The following BLTP1 variants were observed in gnomAD, a reference collection of about 807,000 sequenced individuals.
BLTP1 encodes the protein bridge-like lipid transfer protein family member 1.
chr4:122,197,280 C>G, the BLTP1 span: 1 of 1,460,314 alleles, frequency 6.8e-7, no homozygotes, highest in Non-Finnish European at 9.2e-7. Flanking sequence ...AAATGGTAAG[C>G]TGCAACTGTT....
the BLTP1 span, among the ~76,000 whole-genome samples, chr4:122,337,366 C>T: frequency 5.3e-5 from 8 of 152,002 alleles, no homozygotes; most frequent in Non-Finnish European, 1.0e-4. Flanking sequence ...TGGGTAAAAC[C>T]GTCTAATACA....
At chr4:122,245,235 CAG>C in the BLTP1 span, 1 of 1,110,860 alleles carries the variant, frequency 9.0e-7, no homozygotes, top group African/African-American at 1.6e-5. Flanking sequence ...CAAGTTAAAT[CAG>C]AATATTTGGA....
At chr4:122,184,930 A>G in the BLTP1 span, 2 of 983,964 alleles carry the variant, frequency 2.0e-6, no homozygotes, top group African/African-American at 1.7e-5. Flanking sequence ...CATTATTCCT[A>G]CAGATGCCAA....
At chr4:122,307,730 C>G in the BLTP1 span, 3 of 985,138 alleles carry the variant, frequency 3.0e-6, no homozygotes, top group Non-Finnish European at 3.6e-6. Flanking sequence ...CTTCCTTGTG[C>G]CATTATGTGG....
chr4:122,300,587 A>C, the BLTP1 span, among the ~76,000 whole-genome samples: 4 of 152,146 alleles, frequency 2.6e-5, no homozygotes, highest in Non-Finnish European at 4.4e-5. Context: ...TACTAACTAA[A>C]TAGATTTTTG....
At chr4:122,324,579 G>A in the BLTP1 span, 11 of 1,513,086 alleles carry the variant, frequency 7.3e-6, no homozygotes, top group African/African-American at 1.4e-4. Flanking sequence ...TAAAATTGTT[G>A]ACTCTTTTAC....
At chr4:122,321,349 A>G in the BLTP1 span, among the ~76,000 whole-genome samples, 5 of 152,226 alleles carry the variant, frequency 3.3e-5, no homozygotes, top group African/African-American at 1.2e-4. Flanking sequence ...TGTCTCTTGT[A>G]TCATTACTGT....
At chr4:122,264,532 CCTTA>C in the BLTP1 span, 4 of 963,830 alleles carry the variant, frequency 4.2e-6, no homozygotes, top group South Asian at 6.0e-5. Context: ...TGAGGCTATA[CCTTA>C]CCTATCTGCC....
chr4:122,282,191 T>C, the BLTP1 span: 2 of 476,678 alleles, frequency 4.2e-6, no homozygotes, highest in African/African-American at 4.2e-5. Context: ...TATATTAATA[T>C]ATCCTATCTC....
At chr4:122,190,659 G>A in the BLTP1 span, among the ~76,000 whole-genome samples, 22 of 152,174 alleles carry the variant, frequency 1.4e-4, 1 homozygote, top group African/African-American at 4.6e-4. Flanking sequence ...ATGATCATGA[G>A]TGAAAACCTT....
chr4:122,244,188 A>AAAAATG, the BLTP1 span: 4,693 of 453,474 alleles, frequency 0.01, 233 homozygotes, highest in African/African-American at 0.095. Flanking sequence ...TTGATTGAAT[A>AAAAATG]AAAATGAAAA....
chr4:122,229,043 A>G, the BLTP1 span: 4 of 1,249,206 alleles, frequency 3.2e-6, no homozygotes, highest in Non-Finnish European at 3.2e-6. Flanking sequence ...TTTTGTGTTT[A>G]TTTAAAGAAG....
chr4:122,322,813 C>T, the BLTP1 span, among the ~76,000 whole-genome samples: 2 of 152,136 alleles, frequency 1.3e-5, no homozygotes, highest in African/African-American at 2.4e-5. Context: ...CAGTTATACT[C>T]TGATAATATT....
the BLTP1 span, chr4:122,229,371 C>A: frequency 1.7e-6 from 1 of 588,098 alleles, no homozygotes; most frequent in Non-Finnish European, 2.8e-6. Flanking sequence ...AGAAAACTTT[C>A]TAATTTTTAC....
the BLTP1 span, chr4:122,247,429 G>GT: frequency 1.3e-6 from 2 of 1,541,252 alleles, no homozygotes; most frequent in Middle Eastern, 1.7e-4. Context: ...AAGGGAACAT[G>GT]TTTTTTTCCT....
chr4:122,347,151 G>A, the BLTP1 span: 1 of 984,082 alleles, frequency 1.0e-6, no homozygotes, highest in Non-Finnish European at 1.2e-6. Context: ...AAGATGCTGG[G>A]GACATGTTAC....
the BLTP1 span, chr4:122,226,413 A>G: frequency 8.8e-7 from 1 of 1,136,992 alleles, no homozygotes; most frequent in African/African-American, 1.7e-5. Context: ...GAAGATATAT[A>G]ACCTTGAATA....
At chr4:122,251,317 AAATTAGGCC>A in the BLTP1 span, 2 of 983,020 alleles carry the variant, frequency 2.0e-6, no homozygotes, top group Non-Finnish European at 2.4e-6. Context: ...ATCACTTTGA[AAATTAGGCC>A]AATTGGAGAG....
At chr4:122,328,478 C>CT in the BLTP1 span, 28 of 831,598 alleles carry the variant, frequency 3.4e-5, no homozygotes, top group Non-Finnish European at 4.5e-5. Flanking sequence ...TTGAGTGAGA[C>CT]TAACAGACTC....
Sources: allele counts gnomAD v4.1 joint callset (sites outside exome capture counted in the v4.1 genomes callset), GRCh38; gene constraint gnomAD v4.1.1; transcripts MANE v1.5; gene names NCBI Gene and HGNC (gene_info 2026-07-23, HGNC 2026-07-21).